SYN2: variants seen among roughly 807,000 people sequenced by gnomAD.
The protein encoded by SYN2 is synapsin II.
In SYN2, 19 loss-of-function variants were observed where a neutral mutation model predicts 50.9. That is an observed-to-expected ratio of 0.37 (90% CI 0.26 to 0.55). The LOEUF is 0.55. Ranked by LOEUF, SYN2 falls within the 20% of genes least tolerant of loss-of-function variation. The pLI is 0.81. For synonymous variants in SYN2, 255 were observed against 224.9 expected (o/e 1.13, Z -1.20); for missense variants, 587 against 576.4 (o/e 1.02, Z -0.19).
chr3:12,033,134 C>A (rs550103161), intron 1 of SYN2, among the ~76,000 whole-genome samples: 1 of 151,758 alleles, frequency 6.6e-6, no homozygotes, highest in African/African-American at 2.4e-5. Context: ...GTTGGAATAC[C>A]GTGCCGTGTG....
chr3:12,182,020 G>T (rs1698232382), intron 10 of SYN2, among the ~76,000 whole-genome samples: 1 of 152,198 alleles, frequency 6.6e-6, no homozygotes, highest in African/African-American at 2.4e-5. Flanking sequence ...TGGTGGCACT[G>T]AGGACATTTC....
intron 1 of SYN2, among the ~76,000 whole-genome samples, chr3:12,060,532 G>A (rs1257860578): frequency 6.6e-6 from 1 of 152,192 alleles, no homozygotes; most frequent in African/African-American, 2.4e-5. Flanking sequence ...TCGTAAGATA[G>A]CAGAATGCTT....
chr3:12,158,606 T>A lies in SYN2; in HGVS notation c.775-2940T>A, dbSNP rs1697532547. On this transcript the variant is annotated intron_variant, in intron 5 of 12. Transcript: ENST00000621198. ...AGAGACAACCGGTAAGAATTTGAGC[T>A]CCTCCCTTTTCCTCTGGACTCCTGG... 4.0e-5 allele frequency: 61 copies of A among 1,524,950 alleles called. No homozygotes were observed. In the South Asian group the frequency reaches 7.1e-4, roughly 18 times the overall value. The allele number at this position is 1,524,950 out of a possible 1,614,324, so 94.5% of individuals were successfully genotyped here. A position where few individuals can be genotyped will look rare whatever the true frequency, so the allele number is the denominator to read the frequency against.
chr3:12,174,903 TGA>T (rs1383007763), intron 10 of SYN2, among the ~76,000 whole-genome samples: 2 of 152,136 alleles, frequency 1.3e-5, no homozygotes, highest in African/African-American at 4.8e-5. Context: ...CACTATCAGT[TGA>T]GATTATTCTT....
At chr3:12,142,536 G>C (rs1445124690) in intron 3 of SYN2, among the ~76,000 whole-genome samples, 1 of 152,130 alleles carries the variant, frequency 6.6e-6, no homozygotes, top group Non-Finnish European at 1.5e-5. Context: ...GAAAAACCTA[G>C]GGCTGGAAGA....
intron 1 of SYN2, among the ~76,000 whole-genome samples, chr3:12,081,446 A>T (rs1032085024): frequency 6.6e-6 from 1 of 151,938 alleles, no homozygotes; most frequent in African/African-American, 2.4e-5. Context: ...CTCATTTTAG[A>T]TATTTGAGCT....
At chr3:12,039,139 T>C (rs1250059512) in intron 1 of SYN2, among the ~76,000 whole-genome samples, 2 of 152,190 alleles carry the variant, frequency 1.3e-5, no homozygotes, top group African/African-American at 4.8e-5. Flanking sequence ...GTGAAATGCT[T>C]TTTCTGTGTC....
chr3:12,081,275 G>A (rs1049542562), intron 1 of SYN2, among the ~76,000 whole-genome samples: 1 of 152,158 alleles, frequency 6.6e-6, no homozygotes, highest in Non-Finnish European at 1.5e-5. Flanking sequence ...GTCACAAAAA[G>A]AGCAACTTAA....
At chr3:12,088,300 T>C (rs548317724) in intron 1 of SYN2, among the ~76,000 whole-genome samples, 14 of 152,238 alleles carry the variant, frequency 9.2e-5, no homozygotes, top group Admixed American at 7.2e-4. Context: ...CCAATAGATA[T>C]ATGAATAAAT....
chr3:12,183,956 C>G (rs545973910), intron 11 of SYN2: 6 of 988,028 alleles, frequency 6.1e-6, no homozygotes, highest in Non-Finnish European at 7.2e-6. Context: ...ACTATTGTAA[C>G]TAGATAGAAC....
At chr3:12,062,643 T>C (rs1321682502) in intron 1 of SYN2, among the ~76,000 whole-genome samples, 1 of 151,994 alleles carries the variant, frequency 6.6e-6, no homozygotes, top group Admixed American at 6.6e-5. Flanking sequence ...CCAATAACTC[T>C]AAGACTCAAT....
At chr3:12,119,223 T>TA (rs138305823) in intron 1 of SYN2, among the ~76,000 whole-genome samples, 11,909 of 148,818 alleles carry the variant, frequency 0.08, 561 homozygotes, top group African/African-American at 0.13. Flanking sequence ...TTGGTTAGGT[T>TA]AAAAAAAAAA....
intron 1 of SYN2, among the ~76,000 whole-genome samples, chr3:12,020,376 C>T (rs1694107253): frequency 7.4e-6 from 1 of 135,602 alleles, no homozygotes; most frequent in Non-Finnish European, 1.6e-5. Context: ...TCCTCTTCTT[C>T]TGTCCCCCCA....
At chr3:12,150,244 G>A (rs888585450) in intron 4 of SYN2, among the ~76,000 whole-genome samples, 3 of 152,228 alleles carry the variant, frequency 2.0e-5, no homozygotes, top group African/African-American at 7.2e-5. Flanking sequence ...TAGCCCTAGA[G>A]AGATGTGTTT....
chr3:12,124,474 A>G (rs1353121251), intron 1 of SYN2, among the ~76,000 whole-genome samples: 1 of 152,206 alleles, frequency 6.6e-6, no homozygotes, highest in Non-Finnish European at 1.5e-5. Flanking sequence ...TAGAAAATTA[A>G]AGAGAAATGA....
At chr3:12,175,693 G>A (rs1241494204) in intron 10 of SYN2, among the ~76,000 whole-genome samples, 1 of 152,208 alleles carries the variant, frequency 6.6e-6, no homozygotes, top group Admixed American at 6.5e-5. Flanking sequence ...ACCTAAAATG[G>A]GGACAGGGAG....
At chr3:12,005,175 C>A (rs1420647827) in intron 1 of SYN2, among the ~76,000 whole-genome samples, 1 of 152,124 alleles carries the variant, frequency 6.6e-6, no homozygotes, top group Non-Finnish European at 1.5e-5. Context: ...CCCCAGGTCC[C>A]ATACAAGAAG....
At chr3:12,156,024 A>G (rs988648809) in intron 5 of SYN2, among the ~76,000 whole-genome samples, 5 of 152,200 alleles carry the variant, frequency 3.3e-5, no homozygotes, top group African/African-American at 9.7e-5. Flanking sequence ...CCATGTCTGG[A>G]CAGTGAACTC....
chr3:12,004,846 C>T lies in SYN2; in HGVS notation c.295C>T (p.Leu99=). 1 of 540,760 alleles carries T rather than the reference C, an allele frequency of 1.8e-6. No homozygotes were observed. Among genetic ancestry groups the T allele is most frequent in the South Asian group, 2.3e-5 (1 of 42,940 alleles). 33.5% of individuals were successfully genotyped at this position (540,760 alleles called of 1,614,324 possible). A position where few individuals can be genotyped will look rare whatever the true frequency, so the allele number is the denominator to read the frequency against. The change falls in exon 1 of 13, where the codon CTG becomes TTG. Residue 99 remains leucine, a synonymous_variant. Transcript: ENST00000621198. The stretch of plus-strand genomic sequence containing the variant: ...GAAGCAGACGGCCGCCTCGGCTGGC[C>T]TGGTGGACGCGCCCGCTCCCGCGCC... The part of the protein sequence containing the change: ...AVKQTAASAG[L]VDAPAPAPAA...
Sources: gnomAD v4.1 joint callset for allele counts (sites outside exome capture counted in the v4.1 genomes callset) on GRCh38, gnomAD v4.1.1 for gene constraint, MANE v1.5 for transcripts, NCBI Gene and HGNC (gene_info 2026-07-23, HGNC 2026-07-21) for gene names.